Variants in PRH1 observed in about 807,000 individuals in gnomAD.
PRH1 encodes salivary acidic proline-rich phosphoprotein 1/2.
Under a neutral mutation model 7.9 loss-of-function variants are expected in PRH1, and 7 were observed. That is an observed-to-expected ratio of 0.89 (90% CI 0.50 to 1.67). The LOEUF (loss-of-function observed/expected upper bound fraction) is 1.67. PRH1 is among the 40% of genes most tolerant of loss of function. PRH1 has a pLI of 0.00. For synonymous variants in PRH1, 45 were observed against 80.8 expected (o/e 0.56, Z 2.38); for missense variants, 109 against 223.6 (o/e 0.49, Z 3.27).
At chr12:10,970,028 C>G in intron 2 of PRH1, among the ~76,000 whole-genome samples, 1 of 152,188 alleles carries the variant, frequency 6.6e-6, no homozygotes, top group East Asian at 1.9e-4. Flanking sequence ...TCTTGAACTC[C>G]TGACCTCAGG....
intron 1 of PRH1, among the ~76,000 whole-genome samples, chr12:11,153,503 G>A (rs1947164820): frequency 6.6e-6 from 1 of 152,124 alleles, no homozygotes; most frequent in Non-Finnish European, 1.5e-5. Flanking sequence ...AAAGAATCTG[G>A]AGGATCTTGA....
At chr12:11,133,912 G>T in intron 1 of PRH1, 1 of 1,614,084 alleles carries the variant, frequency 6.2e-7, no homozygotes, top group Non-Finnish European at 8.5e-7. Flanking sequence ...TGGAGAAATT[G>T]GCAATCCTGA....
At position 10,884,233 on chromosome 12, in the gene PRH1, G is replaced by C; in HGVS notation, c.-16C>G. On this transcript the variant is annotated 5_prime_UTR_variant, in exon 1 of 4. Transcript: ENST00000543626. Reference sequence around the variant, plus strand: ...TCAGAAGCATCTTGCAGGAGGCTCTGGTGTCACTCCCAACTTTGTGCTGGG... The same window carrying C: ...TCAGAAGCATCTTGCAGGAGGCTCTCGTGTCACTCCCAACTTTGTGCTGGG... 1 of 1,614,150 alleles carries C rather than the reference G, an allele frequency of 6.2e-7. No individual in the cohort carries two copies. Among genetic ancestry groups the C allele is most frequent in the Non-Finnish European group, 8.5e-7 (1 of 1,180,018 alleles).
At chr12:10,998,677 A>T (rs1940425101) in intron 1 of PRH1, among the ~76,000 whole-genome samples, 1 of 152,130 alleles carries the variant, frequency 6.6e-6, no homozygotes, top group South Asian at 2.1e-4. Context: ...CAGCCAATGA[A>T]TAATATTCAT....
At chr12:10,896,308 C>T (rs572681367) in intron 2 of PRH1, among the ~76,000 whole-genome samples, 1 of 152,276 alleles carries the variant, frequency 6.6e-6, no homozygotes, top group Admixed American at 6.5e-5. Context: ...GCTAGAAATT[C>T]TAAGCCCCCA....
At chr12:11,164,729 G>A (rs567253654) in intron 1 of PRH1, among the ~76,000 whole-genome samples, 33 of 139,522 alleles carry the variant, frequency 2.4e-4, no homozygotes, top group Non-Finnish European at 4.5e-4. Flanking sequence ...TACCTAATGT[G>A]GTCTGAGGCT....
At chr12:10,937,468 T>A (rs1175384815) in intron 2 of PRH1, 4 of 152,020 alleles carry the variant, frequency 2.6e-5, no homozygotes, top group African/African-American at 9.7e-5. Context: ...AAACAAATAT[T>A]CTCCCTGAAG....
At chr12:11,008,391 C>T (rs918920287) in intron 1 of PRH1, among the ~76,000 whole-genome samples, 2 of 151,946 alleles carry the variant, frequency 1.3e-5, no homozygotes, top group African/African-American at 4.8e-5. Context: ...AGCAATGTAT[C>T]ATAAACAGTC....
intron 1 of PRH1, among the ~76,000 whole-genome samples, chr12:11,056,369 C>T (rs1308504586): frequency 6.6e-6 from 1 of 152,186 alleles, no homozygotes; most frequent in Non-Finnish European, 1.5e-5. Context: ...AAATCAGTCT[C>T]CAATCTTGGA....
At chr12:11,022,382 A>G in intron 1 of PRH1, 1 of 1,614,200 alleles carries the variant, frequency 6.2e-7, no homozygotes, top group Non-Finnish European at 8.5e-7. Context: ...TACCAAAGGA[A>G]TAACATGACC....
intron 1 of PRH1, among the ~76,000 whole-genome samples, chr12:11,112,125 G>C (rs920183728): frequency 1.3e-5 from 2 of 152,082 alleles, no homozygotes; most frequent in African/African-American, 2.4e-5. Context: ...TCCCTGAATA[G>C]ACCAATAACA....
intron 2 of PRH1, among the ~76,000 whole-genome samples, chr12:10,954,163 T>G (rs1469152102): frequency 6.6e-6 from 1 of 151,902 alleles, no homozygotes; most frequent in Non-Finnish European, 1.5e-5. Flanking sequence ...AAATCACACT[T>G]AAGGCCATAG....
At chr12:11,157,592 T>C (rs762970591) in intron 1 of PRH1, among the ~76,000 whole-genome samples, 18 of 152,240 alleles carry the variant, frequency 1.2e-4, no homozygotes, top group Non-Finnish European at 2.5e-4. Context: ...GTAGTTAGCC[T>C]CTGATGAGTT....
At chr12:11,002,669 T>C (rs1940650109) in intron 1 of PRH1, among the ~76,000 whole-genome samples, 1 of 152,096 alleles carries the variant, frequency 6.6e-6, no homozygotes, top group African/African-American at 2.4e-5. Flanking sequence ...TCACTAAATC[T>C]GGGTTATTTT....
rs566902777 is a variant in PRH1, at chr12:11,031,539, C to A, written c.-126+15481G>T. 104 of 584,090 alleles carry A rather than the reference C, an allele frequency of 1.8e-4. No individual in the cohort carries two copies. In the Middle Eastern group the frequency reaches 3.3e-3, roughly 18 times the overall value. The allele number at this position is 584,090 out of a possible 1,614,324, so 36.2% of individuals were successfully genotyped here. ...AAGAGAGAAAGGACAAAGCTTCCACCGGGAGGAAGGCGACCCAGGCAGGTT... is the reference window on the plus strand; with the variant it reads ...AAGAGAGAAAGGACAAAGCTTCCACAGGGAGGAAGGCGACCCAGGCAGGTT... On this transcript the variant is annotated intron_variant, in intron 1 of 3. Transcript: ENST00000539853.
Position 10,970,053 on chromosome 12 carries a change from C to T in PRH1, c.-59+3602G>A, listed in dbSNP as rs144138196. Among the ~76,000 whole-genome samples, 1,094 of 152,272 alleles carry T rather than the reference C, an allele frequency of 7.2e-3. 11 individuals are homozygous for T. Among genetic ancestry groups the T allele is most frequent in the African/African-American group, 0.025 (1,030 of 41,526 alleles). ...CTGACCTCAGGTGATCTGCCTGTAT[C>T]GGCCTCCCAAAGTGTTGGGATTACA... On this transcript the variant is annotated intron_variant, in intron 2 of 3. Transcript: ENST00000539853.
intron 1 of PRH1, among the ~76,000 whole-genome samples, chr12:11,032,647 T>G (rs1942276237): frequency 6.6e-6 from 1 of 152,212 alleles, no homozygotes; most frequent in African/African-American, 2.4e-5. Flanking sequence ...AATATTTATT[T>G]ATCAAAAACA....
At chr12:10,943,348 C>T (rs925871415) in intron 2 of PRH1, among the ~76,000 whole-genome samples, 1 of 152,120 alleles carries the variant, frequency 6.6e-6, no homozygotes, top group African/African-American at 2.4e-5. Flanking sequence ...AGTTTTTATT[C>T]ACATGCTTCT....
At chr12:10,929,198 C>T in intron 2 of PRH1, 2 of 1,605,346 alleles carry the variant, frequency 1.2e-6, no homozygotes, top group Non-Finnish European at 8.5e-7. Flanking sequence ...CGCCATTGTC[C>T]TGCTTGTCTT....
Sources: gnomAD v4.1 joint callset for allele counts (sites outside exome capture counted in the v4.1 genomes callset) on GRCh38, gnomAD v4.1.1 for gene constraint, MANE v1.5 for transcripts, NCBI Gene and HGNC (gene_info 2026-07-23, HGNC 2026-07-21) for gene names.